The following TM9SF2 variants were observed in gnomAD, a reference collection of about 807,000 sequenced individuals.
The protein encoded by TM9SF2 is 76 kDa membrane protein.
TM9SF2 carries 13 observed loss-of-function variants against 84.9 expected under a neutral mutation model. The observed-to-expected ratio is 0.15, with a 90% CI of 0.10 to 0.24. The LOEUF (loss-of-function observed/expected upper bound fraction) is 0.24. TM9SF2 is among the 10% of genes least tolerant of loss of function. The pLI is 1.00. For missense variants in TM9SF2, 562 were observed against 818.5 expected, an observed-to-expected ratio of 0.69 and a Z score of 3.82; for synonymous variants, 273 against 285.8, an observed-to-expected ratio of 0.96 and a Z score of 0.45.
At chr13:99,537,104 T>A (rs1047503844) in intron 5 of TM9SF2, among the ~76,000 whole-genome samples, 4 of 150,220 alleles carry the variant, frequency 2.7e-5, no homozygotes, top group African/African-American at 9.8e-5. Context: ...TCAGATATTA[T>A]AACCTTTTTA....
intron 10 of TM9SF2, 110 bp downstream of exon 10, chr13:99,544,105 A>C: frequency 7.8e-7 from 1 of 1,283,422 alleles, no homozygotes; most frequent in Non-Finnish European, 1.1e-6. Context: ...TAATCCTAGC[A>C]CTTTGGGAGG....
intron 14 of TM9SF2, 63 bp from the exon 15 acceptor site, chr13:99,555,473 T>G (rs900506132): frequency 8.3e-7 from 1 of 1,208,694 alleles, no homozygotes; most frequent in African/African-American, 1.5e-5. Flanking sequence ...ATGAAAAGAT[T>G]GTGTTATGTA....
Position 99,529,449 on chromosome 13 carries a change from C to T in TM9SF2, c.334-18C>T, listed in dbSNP as rs373641756. 1.4e-5 allele frequency: 21 copies of T among 1,475,346 alleles called. No individual in the cohort carries two copies. The African/African-American group carries it at 2.2e-4, about 15-fold the overall frequency. The allele number at this position is 1,475,346 out of a possible 1,614,324, so 91.4% of individuals were successfully genotyped here. A position where few individuals can be genotyped will look rare whatever the true frequency, so the allele number is the denominator to read the frequency against. Reference sequence around the variant, plus strand: ...GGATATTTTTTCTGAATTTGCTTTCCACTTCCTTTTAATACAGTTTACGTT... The same window carrying T: ...GGATATTTTTTCTGAATTTGCTTTCTACTTCCTTTTAATACAGTTTACGTT... On this transcript the variant is annotated intron_variant, in intron 3 of 16. Coordinates refer to ENST00000376387, the MANE Select transcript of TM9SF2 (RefSeq NM_004800.3).
intron 14 of TM9SF2, among the ~76,000 whole-genome samples, chr13:99,554,726 C>T (rs2046319158): frequency 6.6e-6 from 1 of 151,960 alleles, no homozygotes; most frequent in Non-Finnish European, 1.5e-5. Flanking sequence ...GAGTGTTATC[C>T]CCATTTTACA....
At chr13:99,546,508 A>T (rs998097374) in intron 10 of TM9SF2, among the ~76,000 whole-genome samples, 1 of 150,768 alleles carries the variant, frequency 6.6e-6, no homozygotes, top group Non-Finnish European at 1.5e-5. Flanking sequence ...TTTCTCCCTC[A>T]TTTTGTTCTT....
At chr13:99,508,105 A>G (rs998783382) in intron 1 of TM9SF2, among the ~76,000 whole-genome samples, 8 of 152,246 alleles carry the variant, frequency 5.3e-5, no homozygotes, top group African/African-American at 1.7e-4. Flanking sequence ...AACCACTTCT[A>G]TAAAACATTT....
chr13:99,536,654 G>A lies in TM9SF2; in HGVS notation c.508G>A (p.Gly170Ser), dbSNP rs1160519688. The change falls in exon 5 of 17, where the codon GGT becomes AGT. Residue 170 changes from glycine to serine, a missense_variant. Gly to Ser is a moderately conservative substitution (Grantham distance 56). Around this residue, in one of 4 missense-constraint regions of TM9SF2, gnomAD observed 267 missense variants for 316.7 expected, o/e 0.84. Transcript: ENST00000376387. ...AACGTGGTGTTACGATGTTGAAGAT[G>A]GTCAGAGGTTCTGTAATCCTGGATT... ...PVTWCYDVED[G>S]QRFCNPGFPI... 1 of 1,613,746 alleles carries A rather than the reference G, an allele frequency of 6.2e-7. No homozygotes were observed. The highest frequency in any genetic ancestry group is 1.1e-5 in the South Asian group (1 of 91,052).
intron 3 of TM9SF2, among the ~76,000 whole-genome samples, chr13:99,523,618 A>G (rs967580038): frequency 4.6e-5 from 7 of 152,236 alleles, no homozygotes; most frequent in Non-Finnish European, 1.0e-4. Flanking sequence ...TCATAGGACC[A>G]TAAAATCTCA....
Position 99,555,406 on chromosome 13 carries a change from T to TA in TM9SF2, c.1641-128dup, listed in dbSNP as rs1472503071. 3.3e-5 allele frequency: 22 copies of TA among 662,264 alleles called. No homozygotes were observed. The South Asian group carries it at 4.3e-4, about 13-fold the overall frequency. 41.0% of individuals were successfully genotyped at this position (662,264 alleles called of 1,614,324 possible). On this transcript the variant is annotated intron_variant, in intron 14 of 16. Coordinates refer to ENST00000376387, the MANE Select transcript of TM9SF2 (RefSeq NM_004800.3). ...ACCCCATCACCATCCCAACCTGTGA[T>TA]AATTCGTCTTGTTTGGTTAGTTGAG...
chr13:99,553,105 C>T (rs1224973536), intron 13 of TM9SF2, among the ~76,000 whole-genome samples: 6 of 152,176 alleles, frequency 3.9e-5, no homozygotes, highest in Non-Finnish European at 7.3e-5. Context: ...CTTTGCTGCC[C>T]ACTCCTGCCC....
intron 4 of TM9SF2, among the ~76,000 whole-genome samples, chr13:99,536,270 C>G (rs2046233527): frequency 6.6e-6 from 1 of 150,804 alleles, no homozygotes; most frequent in Admixed American, 6.6e-5. Flanking sequence ...TACCATTTAT[C>G]CTTTCAAAAA....
chr13:99,541,781 AAAAC>A (rs1251533899), intron 9 of TM9SF2, 114 bp downstream of exon 9: 4 of 590,966 alleles, frequency 6.8e-6, no homozygotes, highest in Non-Finnish European at 1.1e-5. Flanking sequence ...TCAAAAAACA[AAAAC>A]AAAAACAAAA....
chr13:99,543,855 C>G lies in TM9SF2; in HGVS notation c.1018-8C>G. The G allele has an allele frequency of 1.2e-6, 2 of 1,613,422 alleles. No homozygotes were observed. Among genetic ancestry groups the G allele is most frequent in the Non-Finnish European group, 1.7e-6 (2 of 1,179,612 alleles). ...GAGACAATCGAACTGATTTCATTCCCCTTTTAGGAAGATGCCCAGGAAGAA... is the reference window on the plus strand; with the variant it reads ...GAGACAATCGAACTGATTTCATTCCGCTTTTAGGAAGATGCCCAGGAAGAA... On this transcript the variant is annotated splice_region_variant and splice_polypyrimidine_tract_variant and intron_variant, in intron 9 of 16. Coordinates refer to ENST00000376387, the MANE Select transcript of TM9SF2 (RefSeq NM_004800.3).
In TM9SF2 at chr13:99,559,369, C is replaced by A; in HGVS notation, c.1759C>A (p.His587Asn). ...TTTTTTCTTTACTACCTAGGATTATCATTGGCAATGGCGTTCATTCCTTAC... is the reference window on the plus strand; with the variant it reads ...TTTTTTCTTTACTACCTAGGATTATAATTGGCAATGGCGTTCATTCCTTAC... Reference protein sequence around the residue: ...CYFHLCAEDYHWQWRSFLTSG... With the variant: ...CYFHLCAEDYNWQWRSFLTSG... Residue 587 changes from histidine (H) to asparagine (N), a missense_variant, in exon 16 of 17, where the codon CAT (histidine) becomes AAT (asparagine). Physicochemically the swap from His to Asn is moderately conservative, Grantham distance 68. Coordinates refer to ENST00000376387, the MANE Select transcript of TM9SF2 (RefSeq NM_004800.3). The A allele has an allele frequency of 6.3e-7, 1 of 1,590,756 alleles. No homozygotes were observed. The highest frequency in any genetic ancestry group is 1.2e-5 in the South Asian group (1 of 85,978).
In TM9SF2 at chr13:99,529,531, C is replaced by G; in HGVS notation, c.398C>G (p.Ala133Gly). 2 of 1,593,070 alleles carry G rather than the reference C, an allele frequency of 1.3e-6. No individual in the cohort carries two copies. The highest frequency in any genetic ancestry group is 1.7e-6 in the Non-Finnish European group (2 of 1,172,578). ...ACAAAAACATACCATACAGAGAAAG[C>G]TGAAGACAAACAAAAGTTAGAATTC... ...VCTKTYHTEK[A>G]EDKQKLEFLK... is the part of the protein sequence containing the mutation. Residue 133 changes from alanine to glycine, a missense_variant, in exon 4 of 17, where the codon GCT becomes GGT. By Grantham distance (60) the Ala-to-Gly change is moderately conservative. Coordinates refer to ENST00000376387, the MANE Select transcript of TM9SF2 (RefSeq NM_004800.3).
intron 15 of TM9SF2, among the ~76,000 whole-genome samples, chr13:99,558,759 A>G (rs1311150408): frequency 6.6e-6 from 1 of 151,602 alleles, no homozygotes; most frequent in East Asian, 1.9e-4. Flanking sequence ...TGTATTTAGG[A>G]TTTTCTAGTC....
At position 99,529,606 on chromosome 13, in the gene TM9SF2, A is replaced by G. The variant is rs1322074712; in HGVS notation, c.461+12A>G. 14 of 1,535,604 alleles carry G rather than the reference A, an allele frequency of 9.1e-6. No individual in the cohort carries two copies. Among genetic ancestry groups the G allele is most frequent in the Admixed American group, 2.3e-5 (1 of 43,308 alleles). ...TATCAACATCACTGGTAAGGCATGA[A>G]TATTTTCGATTTTGGGGTTTATCCT... On this transcript the variant is annotated intron_variant, in intron 4 of 16. Transcript: ENST00000376387.
chr13:99,529,739 G>A (rs535714559), intron 4 of TM9SF2, 145 bp downstream of exon 4: 1 of 816,794 alleles, frequency 1.2e-6, no homozygotes, highest in African/African-American at 1.8e-5. Flanking sequence ...GTAGCTTGAA[G>A]TAGTGACTCT....
At chr13:99,501,873 GGC>G (rs1309695968) in intron 1 of TM9SF2, 96 bp downstream of exon 1, 31 of 1,501,740 alleles carry the variant, frequency 2.1e-5, no homozygotes, top group Non-Finnish European at 2.7e-5. Context: ...GAGGGAAGGG[GGC>G]GTAGCAGCGG....
Sources: gnomAD v4.1 joint callset for allele counts (sites outside exome capture counted in the v4.1 genomes callset) on GRCh38, gnomAD v4.1.1 for gene constraint, gnomAD v4.1.1 regional missense constraint, MANE v1.5 for transcripts, NCBI Gene and HGNC (gene_info 2026-07-23, HGNC 2026-07-21) for gene names.